Variants in SMIM14 observed in about 807,000 individuals in gnomAD.
SMIM14 encodes the protein small integral membrane protein 14.
Under a neutral mutation model 12.6 loss-of-function variants are expected in SMIM14, and 5 were observed. The observed-to-expected ratio is 0.40, with a 90% CI of 0.21 to 0.83. SMIM14 has a LOEUF of 0.83. Ranked by LOEUF, SMIM14 falls within the 40% of genes least tolerant of loss-of-function variation. The pLI, the probability that SMIM14 is intolerant of heterozygous loss-of-function variation, is 0.37. For synonymous variants in SMIM14, 30 were observed against 40.1 expected (o/e 0.75, Z 0.95); for missense variants, 86 against 119.1 (o/e 0.72, Z 1.29).
intron 1 of SMIM14, among the ~76,000 whole-genome samples, chr4:39,620,178 AG>A (rs1179144821): frequency 3.4e-5 from 5 of 147,074 alleles, no homozygotes; most frequent in Middle Eastern, 3.4e-3. Flanking sequence ...ATCTCTATTA[AG>A]AAAAAAAAAA....
intron 1 of SMIM14, among the ~76,000 whole-genome samples, chr4:39,622,616 G>A (rs1054120546): frequency 2.0e-5 from 3 of 152,112 alleles, no homozygotes; most frequent in Non-Finnish European, 4.4e-5. Context: ...GGCCAGGCTC[G>A]TCTGAAACTC....
chr4:39,572,701 A>G (rs2110008451), intron 2 of SMIM14, among the ~76,000 whole-genome samples: 1 of 152,164 alleles, frequency 6.6e-6, no homozygotes, highest in African/African-American at 2.4e-5. Context: ...GTGTGCCTGT[A>G]GTCTCAGCTA....
At chr4:39,608,886 AT>A (rs1714912988) in intron 1 of SMIM14, among the ~76,000 whole-genome samples, 1 of 152,230 alleles carries the variant, frequency 6.6e-6, no homozygotes, top group South Asian at 2.1e-4. Context: ...TGTGTATAGG[AT>A]CTTTCAGGGG....
At chr4:39,605,937 C>T (rs1714786282) in intron 1 of SMIM14, among the ~76,000 whole-genome samples, 1 of 152,106 alleles carries the variant, frequency 6.6e-6, no homozygotes, top group Non-Finnish European at 1.5e-5. Context: ...GGGGTTTTGC[C>T]ATGTTGGCCA....
chr4:39,578,827 C>T (rs554126494), intron 2 of SMIM14, among the ~76,000 whole-genome samples: 3 of 150,540 alleles, frequency 2.0e-5, no homozygotes, highest in Admixed American at 2.0e-4. Context: ...GTAACCCTGT[C>T]TCTACTAAAA....
chr4:39,575,168 C>T (rs1030073094), intron 2 of SMIM14, among the ~76,000 whole-genome samples: 3 of 149,896 alleles, frequency 2.0e-5, no homozygotes, highest in Non-Finnish European at 4.4e-5. Flanking sequence ...AGCAATCCTC[C>T]TGCTTCAGCC....
At chr4:39,633,796 G>C (rs1715994490) in intron 1 of SMIM14, among the ~76,000 whole-genome samples, 1 of 152,214 alleles carries the variant, frequency 6.6e-6, no homozygotes, top group African/African-American at 2.4e-5. Flanking sequence ...CGAATACAAA[G>C]TAATAGGTTT....
At chr4:39,573,262 G>GT (rs1040209792) in intron 2 of SMIM14, among the ~76,000 whole-genome samples, 11 of 151,822 alleles carry the variant, frequency 7.2e-5, no homozygotes, top group Non-Finnish European at 1.6e-4. Flanking sequence ...CACCCAGATA[G>GT]TTTTTTTGTA....
At chr4:39,564,325 C>T (rs1441692539) in intron 3 of SMIM14, among the ~76,000 whole-genome samples, 1 of 152,176 alleles carries the variant, frequency 6.6e-6, no homozygotes, top group African/African-American at 2.4e-5. Context: ...AGGGTGATCT[C>T]TATCATTCCC....
At chr4:39,596,129 C>T (rs1158555420) in intron 2 of SMIM14, among the ~76,000 whole-genome samples, 1 of 151,878 alleles carries the variant, frequency 6.6e-6, no homozygotes, top group African/African-American at 2.4e-5. Flanking sequence ...GAGTTTTGCT[C>T]TTGTTGCCCA....
chr4:39,565,884 A>T (rs1263742383), intron 3 of SMIM14, among the ~76,000 whole-genome samples: 1 of 151,844 alleles, frequency 6.6e-6, no homozygotes, highest in Non-Finnish European at 1.5e-5. Flanking sequence ...ACGAGATCTC[A>T]TGGTTTTAAA....
intron 1 of SMIM14, among the ~76,000 whole-genome samples, chr4:39,623,247 T>C (rs767604545): frequency 2.0e-5 from 3 of 152,206 alleles, no homozygotes; most frequent in Admixed American, 1.3e-4. Context: ...AGTTTAACTG[T>C]TGAAGGCAAG....
chr4:39,600,091 T>G (rs1714542457), intron 2 of SMIM14, among the ~76,000 whole-genome samples: 1 of 152,148 alleles, frequency 6.6e-6, no homozygotes, highest in South Asian at 2.1e-4. Context: ...TGTGTCAACA[T>G]TTGGATATAC....
At chr4:39,580,326 C>T (rs1392672183) in intron 2 of SMIM14, among the ~76,000 whole-genome samples, 4 of 151,936 alleles carry the variant, frequency 2.6e-5, no homozygotes, top group Non-Finnish European at 5.9e-5. Flanking sequence ...ACCACAGATG[C>T]GTGCCACCAA....
In SMIM14 at chr4:39,633,210, C is replaced by T. The variant is rs1006367030; in HGVS notation, c.-36+5529G>A. Among the ~76,000 whole-genome samples, 3 of 152,046 alleles carry T rather than the reference C, an allele frequency of 2.0e-5. No individual in the cohort carries two copies. The South Asian group carries it at 6.2e-4, about 32-fold the overall frequency. On this transcript the variant is annotated intron_variant, in intron 1 of 4. Transcript: ENST00000295958. Reference sequence around the variant, plus strand: ...TCAGGAGGCTGAGGCAGGAGAATTGCTTGAACCCGGGAGGCAGAGGTTACA... The same window carrying T: ...TCAGGAGGCTGAGGCAGGAGAATTGTTTGAACCCGGGAGGCAGAGGTTACA...
At chr4:39,614,304 T>C (rs1715141865) in intron 1 of SMIM14, among the ~76,000 whole-genome samples, 2 of 151,588 alleles carry the variant, frequency 1.3e-5, no homozygotes, top group Non-Finnish European at 2.9e-5. Flanking sequence ...GGGTTATAGG[T>C]TCTGGGGAGT....
chr4:39,550,658 T>C lies in SMIM14; in HGVS notation c.*1468A>G, dbSNP rs1052363687. ...AAAACAATACAACCTTTTACTTTTTTATACATTTTAAAATTTCTCTCATAT... is the reference window on the plus strand; with the variant it reads ...AAAACAATACAACCTTTTACTTTTTCATACATTTTAAAATTTCTCTCATAT... On this transcript the variant is annotated 3_prime_UTR_variant, in exon 5 of 5. Transcript: ENST00000295958. The C allele has an allele frequency of 6.6e-6, 1 of 152,248 alleles. No homozygotes were observed. Among genetic ancestry groups the C allele is most frequent in the African/African-American group, 2.4e-5 (1 of 41,478 alleles). 9.4% of individuals were successfully genotyped at this position (152,248 alleles called of 1,614,324 possible). A position where few individuals can be genotyped will look rare whatever the true frequency, so the allele number is the denominator to read the frequency against.
intron 1 of SMIM14, among the ~76,000 whole-genome samples, chr4:39,610,459 T>TG (rs398107221): frequency 6.6e-6 from 1 of 151,954 alleles, no homozygotes; most frequent in Non-Finnish European, 1.5e-5. Flanking sequence ...TCTTTTTTTT[T>TG]AAAGTAAACT....
chr4:39,560,250 C>CTTTTTTTT (rs773257583), intron 3 of SMIM14, among the ~76,000 whole-genome samples: 1 of 140,760 alleles, frequency 7.1e-6, no homozygotes, highest in Non-Finnish European at 1.5e-5. Context: ...CTTTTCTTTT[C>CTTTTTTTT]TTTTTTTTTT....
Sources: gnomAD v4.1 joint callset for allele counts (sites outside exome capture counted in the v4.1 genomes callset) on GRCh38, gnomAD v4.1.1 for gene constraint, MANE v1.5 for transcripts, NCBI Gene and HGNC (gene_info 2026-07-23, HGNC 2026-07-21) for gene names.